The following ASH1L variants were observed in gnomAD, a reference collection of about 807,000 sequenced individuals.
ASH1L encodes the protein ASH1 like histone lysine methyltransferase.
Under a neutral mutation model 269.0 loss-of-function variants are expected in ASH1L, and 23 were observed. That is an observed-to-expected ratio of 0.09 (90% CI 0.06 to 0.12). ASH1L has a LOEUF of 0.12. Among genes scored for constraint, ASH1L ranks in the 10% least tolerant of loss-of-function variants. The pLI is 1.00. For missense variants in ASH1L, 2,912 were observed against 3,567.8 expected, an observed-to-expected ratio of 0.82 and a Z score of 4.68; for synonymous variants, 1,187 against 1,253.5, an observed-to-expected ratio of 0.95 and a Z score of 1.12.
intron 2 of ASH1L, among the ~76,000 whole-genome samples, chr1:155,485,325 ATTTTTT>A (rs1334520795): frequency 2.7e-5 from 4 of 147,942 alleles, no homozygotes; most frequent in African/African-American, 9.9e-5. Flanking sequence ...TTTTATTTTT[ATTTTTT>A]TTTAAGAGAT....
chr1:155,419,524 A>G (rs1351337160), intron 5 of ASH1L: 1 of 152,244 alleles, frequency 6.6e-6, no homozygotes, highest in Non-Finnish European at 1.5e-5. Context: ...TACTTAAAAA[A>G]TAATACAGGT....
chr1:155,528,105 A>G (rs138986791), intron 1 of ASH1L, among the ~76,000 whole-genome samples: 1 of 152,286 alleles, frequency 6.6e-6, no homozygotes, highest in East Asian at 1.9e-4. Flanking sequence ...TCAGATTCAC[A>G]TATCTAAATG....
chr1:155,523,630 C>T (rs989876704), intron 1 of ASH1L, among the ~76,000 whole-genome samples: 1 of 152,134 alleles, frequency 6.6e-6, no homozygotes, highest in East Asian at 1.9e-4. Flanking sequence ...CAGCACCTTG[C>T]GGGGGCCAAG....
At chr1:155,408,740 C>T (rs1659517078) in intron 6 of ASH1L, among the ~76,000 whole-genome samples, 1 of 151,940 alleles carries the variant, frequency 6.6e-6, no homozygotes, top group Non-Finnish European at 1.5e-5. Context: ...CAATTTTATG[C>T]CAAGCATGAT....
intron 4 of ASH1L, among the ~76,000 whole-genome samples, chr1:155,445,317 G>A (rs994537987): frequency 5.9e-5 from 9 of 151,996 alleles, no homozygotes; most frequent in Admixed American, 1.3e-4. Context: ...CCGAGTAGCT[G>A]GGATTACATG....
At chr1:155,357,123 G>A in intron 15 of ASH1L, among the ~76,000 whole-genome samples, 193 bp downstream of exon 15, 4 of 21,604 alleles carry the variant, frequency 1.9e-4, no homozygotes, top group South Asian at 2.1e-3. Context: ...ACACACAAAA[G>A]GGTAAGACTT....
chr1:155,445,384 C>T (rs1662930103), intron 4 of ASH1L, among the ~76,000 whole-genome samples: 1 of 152,122 alleles, frequency 6.6e-6, no homozygotes, highest in South Asian at 2.1e-4. Context: ...GGGGTTTTGC[C>T]ATGTTGGCCA....
At chr1:155,460,940 C>T (rs567769328) in intron 3 of ASH1L, among the ~76,000 whole-genome samples, 1 of 152,230 alleles carries the variant, frequency 6.6e-6, no homozygotes, top group Non-Finnish European at 1.5e-5. Context: ...ATAAAATATA[C>T]TTGATTCTTA....
At chr1:155,445,298 C>T (rs1294448022) in intron 4 of ASH1L, among the ~76,000 whole-genome samples, 1 of 152,098 alleles carries the variant, frequency 6.6e-6, no homozygotes. Context: ...ATTCTCCTGC[C>T]TCAGCCTCCC....
chr1:155,414,979 T>G lies in ASH1L; in HGVS notation c.6008+765A>C, dbSNP rs1260692207. Among the ~76,000 whole-genome samples, 3 of 152,278 alleles carry G rather than the reference T, an allele frequency of 2.0e-5. No homozygotes were observed. In the East Asian group the frequency reaches 5.8e-4, roughly 29 times the overall value. On this transcript the variant is annotated intron_variant, in intron 6 of 27. Coordinates refer to ENST00000392403, the MANE Select transcript of ASH1L (RefSeq NM_018489.3). ...AAATATTTTATTCATCTGACAAAGC[T>G]CATGGAACACAGCGTCCAATCAGTG...
chr1:155,454,855 A>T (rs950274408), intron 4 of ASH1L, among the ~76,000 whole-genome samples: 1 of 152,220 alleles, frequency 6.6e-6, no homozygotes, highest in Admixed American at 6.5e-5. Context: ...TCTTAACATA[A>T]GTTCCTTGGT....
chr1:155,463,982 C>G lies in ASH1L; in HGVS notation c.4985-4084G>C, dbSNP rs115254768. On this transcript the variant is annotated intron_variant, in intron 3 of 27. Transcript: ENST00000392403. Reference sequence around the variant, plus strand: ...TAGGAAAAAGTTACTCTGAGTGAATCTTCTAATTCACTGACTCTTCGCCAT... The same window carrying G: ...TAGGAAAAAGTTACTCTGAGTGAATGTTCTAATTCACTGACTCTTCGCCAT... 9.0e-3 allele frequency among the ~76,000 whole-genome samples: 1,369 copies of G among 152,282 alleles called. 21 individuals are homozygous for G. Among genetic ancestry groups the G allele is most frequent in the African/African-American group, 0.031 (1,303 of 41,554 alleles).
chr1:155,492,160 C>G (rs1003316876), intron 2 of ASH1L, among the ~76,000 whole-genome samples: 2 of 151,712 alleles, frequency 1.3e-5, no homozygotes, highest in African/African-American at 4.8e-5. Context: ...CTCAGCCTCC[C>G]GAGTCGCTGG....
At chr1:155,546,482 T>C (rs757208951) in intron 1 of ASH1L, among the ~76,000 whole-genome samples, 1 of 152,030 alleles carries the variant, frequency 6.6e-6, no homozygotes, top group Non-Finnish European at 1.5e-5. Flanking sequence ...CACTCTGGGT[T>C]GGGCGCGGTG....
rs577829439 is a variant in ASH1L, at chr1:155,433,675, C to T, written c.5828+4652G>A. The T allele has an allele frequency of 1.8e-5, 29 of 1,600,480 alleles. No homozygotes were observed. In the East Asian group the frequency reaches 3.6e-4, roughly 20 times the overall value. ...GGATCACCCTGGGATATACACAGGCCGATGTGGGGCTCACCCTGGGGGTTC... is the reference window on the plus strand; with the variant it reads ...GGATCACCCTGGGATATACACAGGCTGATGTGGGGCTCACCCTGGGGGTTC... On this transcript the variant is annotated intron_variant, in intron 5 of 27. Coordinates refer to ENST00000392403, the MANE Select transcript of ASH1L (RefSeq NM_018489.3).
At position 155,415,862 on chromosome 1, in the gene ASH1L, G is replaced by A. The variant is rs1394314038; in HGVS notation, c.5890C>T (p.Pro1964Ser). 4 of 1,613,258 alleles carry A rather than the reference G, an allele frequency of 2.5e-6. No homozygotes were observed. The highest frequency in any genetic ancestry group is 2.2e-5 in the East Asian group (1 of 44,856). ...PSETPAKPSE[P>S]ESTLQPVLSL... is the part of the protein sequence containing the mutation. The stretch of plus-strand genomic sequence containing the variant: ...AGCACAGGCTGCAAGGTACTTTCAG[G>A]TTCAGAAGGTTTAGCTGGGGTTTCA... Residue 1964 changes from proline (P) to serine (S), a missense_variant, in exon 6 of 28, where the codon CCT becomes TCT. Physicochemically the swap from Pro to Ser is moderately conservative, Grantham distance 74. Coordinates refer to ENST00000392403, the MANE Select transcript of ASH1L (RefSeq NM_018489.3).
At chr1:155,525,090 A>C (rs1006082445) in intron 1 of ASH1L, among the ~76,000 whole-genome samples, 1 of 152,152 alleles carries the variant, frequency 6.6e-6, no homozygotes, top group Non-Finnish European at 1.5e-5. Flanking sequence ...TCTACAAAAA[A>C]TAAAAAATTA....
intron 3 of ASH1L, among the ~76,000 whole-genome samples, chr1:155,464,306 CAA>C (rs1664519148): frequency 6.6e-6 from 1 of 152,080 alleles, no homozygotes. Context: ...TTGTAGATAT[CAA>C]AGAGTTCCCA....
At chr1:155,550,784 A>C (rs1671140293) in intron 1 of ASH1L, among the ~76,000 whole-genome samples, 1 of 152,156 alleles carries the variant, frequency 6.6e-6, no homozygotes, top group African/African-American at 2.4e-5. Flanking sequence ...AACAACTTTT[A>C]TCTGTTTTAT....
Sources: allele counts gnomAD v4.1 joint callset (sites outside exome capture counted in the v4.1 genomes callset), GRCh38; gene constraint gnomAD v4.1.1; transcripts MANE v1.5; gene names NCBI Gene and HGNC (gene_info 2026-07-23, HGNC 2026-07-21).